Variants in RBPMS observed in about 807,000 individuals in gnomAD.
RBPMS encodes the protein RNA-binding protein with multiple splicing.
In RBPMS, 7 loss-of-function variants were observed where a neutral mutation model predicts 26.8. That is an observed-to-expected ratio of 0.26 (90% confidence interval 0.15 to 0.49). The LOEUF (loss-of-function observed/expected upper bound fraction) is 0.49, where lower values mean the gene tolerates loss of function less well. Among genes scored for constraint, RBPMS ranks in the 20% least tolerant of loss-of-function variants. The pLI is 0.98. For synonymous variants in RBPMS, 96 were observed against 93.3 expected (o/e 1.03, Z -0.17); for missense variants, 186 against 250.0 (o/e 0.74, Z 1.73).
chr8:30,463,756 C>T (rs1465651241), intron 1 of RBPMS, among the ~76,000 whole-genome samples: 1 of 152,196 alleles, frequency 6.6e-6, no homozygotes, highest in East Asian at 1.9e-4. Flanking sequence ...CAAGTGCATA[C>T]CTTGTGAGTT....
At chr8:30,449,556 A>T (rs1444188191) in intron 1 of RBPMS, among the ~76,000 whole-genome samples, 2 of 152,094 alleles carry the variant, frequency 1.3e-5, no homozygotes, top group African/African-American at 2.4e-5. Flanking sequence ...TTTTTCATAG[A>T]TACAGGCTTT....
At chr8:30,480,386 A>T (rs1818150747) in intron 4 of RBPMS, among the ~76,000 whole-genome samples, 1 of 152,170 alleles carries the variant, frequency 6.6e-6, no homozygotes, top group Non-Finnish European at 1.5e-5. Context: ...ATAGGTGATG[A>T]CTTAGAGGTC....
At chr8:30,501,594 T>C (rs1368519572) in intron 4 of RBPMS, among the ~76,000 whole-genome samples, 8 of 152,170 alleles carry the variant, frequency 5.3e-5, no homozygotes, top group Non-Finnish European at 1.0e-4. Context: ...TAACTGTTTA[T>C]ATTCAAATTA....
chr8:30,570,306 C>A (rs528015403), intron 8 of RBPMS, among the ~76,000 whole-genome samples: 26 of 152,326 alleles, frequency 1.7e-4, no homozygotes, highest in African/African-American at 4.8e-4. Context: ...CTTCTGCATA[C>A]ACCTTTTCTA....
At chr8:30,519,206 TTC>T (rs1822731147) in intron 5 of RBPMS, among the ~76,000 whole-genome samples, 1 of 152,114 alleles carries the variant, frequency 6.6e-6, no homozygotes, top group Non-Finnish European at 1.5e-5. Context: ...ATGTGTCTAA[TTC>T]TCTCTTTCCC....
chr8:30,537,972 C>A (rs368633112), intron 5 of RBPMS, among the ~76,000 whole-genome samples: 2 of 152,202 alleles, frequency 1.3e-5, no homozygotes, highest in African/African-American at 4.8e-5. Context: ...ACAGTAAGTT[C>A]ACTTCTCCAT....
chr8:30,555,531 G>GT (rs1241318260), intron 6 of RBPMS, among the ~76,000 whole-genome samples: 1 of 152,190 alleles, frequency 6.6e-6, no homozygotes, highest in Non-Finnish European at 1.5e-5. Context: ...GTGCAAGACT[G>GT]TGAGTGTGCA....
chr8:30,522,225 G>T (rs551492992), intron 5 of RBPMS, among the ~76,000 whole-genome samples: 11 of 151,682 alleles, frequency 7.3e-5, no homozygotes, highest in African/African-American at 2.7e-4. Context: ...CTGGAGCCTA[G>T]GAGTTCTAGT....
chr8:30,480,226 A>G (rs562802985), intron 4 of RBPMS, among the ~76,000 whole-genome samples: 1 of 152,258 alleles, frequency 6.6e-6, no homozygotes, highest in Admixed American at 6.5e-5. Flanking sequence ...CTACAAGGCA[A>G]GCGGCCACTT....
intron 1 of RBPMS, among the ~76,000 whole-genome samples, chr8:30,410,314 T>G (rs1302317431): frequency 2.6e-5 from 4 of 152,158 alleles, no homozygotes; most frequent in African/African-American, 9.7e-5. Flanking sequence ...GTTCAAACGA[T>G]TCTCCTGCCT....
chr8:30,546,749 T>TA (rs1585839210), intron 6 of RBPMS, among the ~76,000 whole-genome samples: 1 of 152,206 alleles, frequency 6.6e-6, no homozygotes, highest in African/African-American at 2.4e-5. Flanking sequence ...TATGAACAAA[T>TA]ACGGTTATTT....
intron 4 of RBPMS, among the ~76,000 whole-genome samples, chr8:30,492,613 T>G (rs1819513331): frequency 6.6e-6 from 1 of 152,202 alleles, no homozygotes; most frequent in African/African-American, 2.4e-5. Context: ...GTGGCCCTTA[T>G]GAATGAAAGT....
chr8:30,533,735 G>A (rs1824493537), intron 5 of RBPMS, among the ~76,000 whole-genome samples: 1 of 152,132 alleles, frequency 6.6e-6, no homozygotes. Flanking sequence ...CAGATCCTGT[G>A]GAATTTCTTT....
chr8:30,477,711 G>A, intron 2 of RBPMS, 88 bp from the exon 3 acceptor site: 2 of 887,872 alleles, frequency 2.3e-6, no homozygotes, highest in Non-Finnish European at 3.7e-6. Context: ...GGAGGAGTTA[G>A]GTAATCAATA....
chr8:30,497,035 G>C (rs1395778895), intron 4 of RBPMS, among the ~76,000 whole-genome samples: 1 of 152,168 alleles, frequency 6.6e-6, no homozygotes. Context: ...ACCAATATTT[G>C]AGAGCTCAGA....
chr8:30,392,300 A>G (rs913609627), intron 1 of RBPMS, among the ~76,000 whole-genome samples: 2 of 152,132 alleles, frequency 1.3e-5, no homozygotes, highest in Non-Finnish European at 2.9e-5. Flanking sequence ...GGGTTCAGAC[A>G]GTGGGGAAAA....
At chr8:30,518,709 TTTTTTTC>T in intron 5 of RBPMS, among the ~76,000 whole-genome samples, 1 of 136,078 alleles carries the variant, frequency 7.3e-6, no homozygotes, top group Non-Finnish European at 1.6e-5. Context: ...TTTTTTTTTT[TTTTTTTC>T]TGAAAAGGAG....
intron 1 of RBPMS, among the ~76,000 whole-genome samples, chr8:30,421,948 C>G (rs969162878): frequency 1.2e-5 from 1 of 82,902 alleles, no homozygotes; most frequent in Non-Finnish European, 2.4e-5. Flanking sequence ...TAGCGAGACT[C>G]TGTCTCAAAA....
intron 7 of RBPMS, among the ~76,000 whole-genome samples, chr8:30,559,684 G>GT (rs1253149042): frequency 3.9e-5 from 6 of 152,180 alleles, no homozygotes; most frequent in Non-Finnish European, 5.9e-5. Context: ...TTAGAGTTAA[G>GT]TTTTTAGAAT....
Sources: allele counts gnomAD v4.1 joint callset (sites outside exome capture counted in the v4.1 genomes callset), GRCh38; gene constraint gnomAD v4.1.1; transcripts MANE v1.5; gene names NCBI Gene and HGNC (gene_info 2026-07-23, HGNC 2026-07-21).